Variants in C1orf167 observed in about 807,000 individuals in gnomAD.
C1orf167 encodes chromosome 1 open reading frame 167.
A neutral mutation model predicts 176.5 loss-of-function variants in C1orf167; 153 were observed. The ratio of observed to expected loss-of-function variants is 0.87; its 90% CI spans 0.76 to 0.99. The LOEUF (loss-of-function observed/expected upper bound fraction) is 0.99, where lower values mean the gene tolerates loss of function less well. Among genes scored for constraint, C1orf167 ranks in the 50% least tolerant of loss-of-function variants. The pLI is 0.00. For synonymous variants in C1orf167, 594 were observed against 752.7 expected, an observed-to-expected ratio of 0.79 and a Z score of 3.45; for missense variants, 1,490 against 1,817.7, an observed-to-expected ratio of 0.82 and a Z score of 3.28.
Position 11,784,210 on chromosome 1 carries a change from G to T in C1orf167, c.3042G>T (p.Thr1014=). 7.9e-7 allele frequency: 1 copy of T among 1,269,520 alleles called. No homozygotes were observed. The highest frequency in any genetic ancestry group is 1.0e-6 in the Non-Finnish European group (1 of 970,532). 78.6% of individuals were successfully genotyped at this position (1,269,520 alleles called of 1,614,324 possible). The part of the protein sequence containing the change: ...FQAWCEVVRD[T]GVLRAQHQAF... ...CCTGGTGTGAGGTTGTAAGAGACAC[G>T]GGGGTGCTCCGGGCCCAGCATCAAG... The change falls in exon 15 of 21, where the codon ACG becomes ACT. Residue 1014 remains threonine, a synonymous_variant. Coordinates refer to ENST00000688073, the MANE Select transcript of C1orf167 (RefSeq NM_001010881.2).
At chr1:11,779,643 C>A in intron 12 of C1orf167, 159 bp from the exon 13 acceptor site, 1 of 453,388 alleles carries the variant, frequency 2.2e-6, no homozygotes, top group Non-Finnish European at 3.8e-6. Flanking sequence ...GGTGCTTGGC[C>A]CCTCCAGTCC....
In C1orf167 at chr1:11,767,082, G is replaced by A. The variant is rs1389895215; in HGVS notation, c.1296G>A (p.Ser432=). The A allele has an allele frequency of 7.2e-6, 9 of 1,243,802 alleles. No homozygotes were observed. Among genetic ancestry groups the A allele is most frequent in the Middle Eastern group, 2.3e-4 (1 of 4,422 alleles). The allele number at this position is 1,243,802 out of a possible 1,614,324, so 77.0% of individuals were successfully genotyped here. The change falls in exon 3 of 21, where the codon TCG becomes TCA. Residue 432 remains serine (S), a synonymous_variant. Coordinates refer to ENST00000688073, the MANE Select transcript of C1orf167 (RefSeq NM_001010881.2). ...LSDTVPASSA[S]KNKAQNITAP... ...ACACAGTCCCAGCGAGCAGTGCGTC[G>A]AAGGTAGAGGCCCGGGGAGGCTGGA...
In C1orf167 at chr1:11,766,351, C is replaced by G. The variant is rs1451287881; in HGVS notation, c.565C>G (p.Pro189Ala). Residue 189 changes from proline (P) to alanine (A), a missense_variant, in exon 3 of 21, where the codon CCT (proline) becomes GCT (alanine). Physicochemically the swap from Pro to Ala is conservative, Grantham distance 27 (BLOSUM62 -1). Transcript: ENST00000688073. This position sits in a 1 kb window ranked among gnomAD's most constrained non-coding sequence, Gnocchi z 4.5. The part of the protein sequence containing the change: ...GDFRPTEAFA[P>A]LDGHTQPGLR... ...CTTCAGGCCCACTGAAGCCTTTGCC[C>G]CTCTCGATGGGCATACACAGCCAGG... 1 of 1,275,442 alleles carries G rather than the reference C, an allele frequency of 7.8e-7. No homozygotes were observed. The highest frequency in any genetic ancestry group is 1.0e-6 in the Non-Finnish European group (1 of 982,480). 79.0% of individuals were successfully genotyped at this position (1,275,442 alleles called of 1,614,324 possible). A position where few individuals can be genotyped will look rare whatever the true frequency, so the allele number is the denominator to read the frequency against.
intron 14 of C1orf167, among the ~76,000 whole-genome samples, chr1:11,783,072 A>G (rs953111575): frequency 1.3e-5 from 2 of 152,146 alleles, no homozygotes; most frequent in Non-Finnish European, 2.9e-5. Flanking sequence ...CTGGTGGAAC[A>G]TGTATACAGT....
intron 8 of C1orf167, among the ~76,000 whole-genome samples, chr1:11,774,698 A>G (rs1643229750): frequency 6.6e-6 from 1 of 152,134 alleles, no homozygotes; most frequent in African/African-American, 2.4e-5. Flanking sequence ...GATTGGAAAA[A>G]TCTGTGGGGA....
At chr1:11,771,045 G>GTATATATATATA (rs1557726743) in intron 6 of C1orf167, among the ~76,000 whole-genome samples, 4 of 68,642 alleles carry the variant, frequency 5.8e-5, no homozygotes, top group Admixed American at 1.8e-4. Flanking sequence ...GTGTGTGTGT[G>GTATATATATATA]TGTGTATATA....
intron 8 of C1orf167, among the ~76,000 whole-genome samples, chr1:11,773,969 T>A (rs1170436835): frequency 6.7e-6 from 1 of 149,176 alleles, no homozygotes; most frequent in East Asian, 2.1e-4. Context: ...AGTGGTGCAA[T>A]CATGTCTCAC....
intron 1 of C1orf167, among the ~76,000 whole-genome samples, chr1:11,762,961 G>GGGCA (rs893211220): frequency 2.6e-5 from 4 of 152,214 alleles, no homozygotes; most frequent in African/African-American, 9.6e-5. Flanking sequence ...GAGAGACAGT[G>GGGCA]GGCAGGGAGG....
At chr1:11,775,402 A>G (rs1375218575) in intron 8 of C1orf167, 33 bp from the exon 9 acceptor site, 5 of 1,261,814 alleles carry the variant, frequency 4.0e-6, no homozygotes, top group Admixed American at 2.6e-5. Context: ...AGATCTTGCA[A>G]TTGACATGGG....
intron 6 of C1orf167, among the ~76,000 whole-genome samples, chr1:11,771,047 G>GTATATATA (rs1557726771): frequency 1.5e-4 from 5 of 33,588 alleles, no homozygotes; most frequent in African/African-American, 4.5e-4. Context: ...GTGTGTGTGT[G>GTATATATA]TGTATATATA....
rs1643805634 is a variant in C1orf167, at chr1:11,785,297, C to G, written c.3567+8C>G. The G allele has an allele frequency of 1.6e-6, 2 of 1,282,232 alleles. No homozygotes were observed. The highest frequency in any genetic ancestry group is 2.0e-6 in the Non-Finnish European group (2 of 982,544). The allele number at this position is 1,282,232 out of a possible 1,614,324, so 79.4% of individuals were successfully genotyped here. A position where few individuals can be genotyped will look rare whatever the true frequency, so the allele number is the denominator to read the frequency against. On this transcript the variant is annotated splice_region_variant and intron_variant, in intron 16 of 20. Transcript: ENST00000688073. The stretch of plus-strand genomic sequence containing the variant: ...CTGCCAGGGGCCGGCAAGGTACGCC[C>G]CAAGCCCCAGACTGACCTCACGCTC...
intron 6 of C1orf167, among the ~76,000 whole-genome samples, 164 bp from the exon 7 acceptor site, chr1:11,771,360 T>G (rs1643068472): frequency 1.3e-5 from 2 of 152,010 alleles, no homozygotes; most frequent in Non-Finnish European, 2.9e-5. Context: ...CAGCAATAGC[T>G]TTTAAATCCG....
chr1:11,771,539 G>A lies in C1orf167; in HGVS notation c.1713G>A (p.Arg571=), dbSNP rs757533422. 2.9e-5 allele frequency: 37 copies of A among 1,289,460 alleles called. No individual in the cohort carries two copies. Among genetic ancestry groups the A allele is most frequent in the Non-Finnish European group, 3.6e-5 (36 of 988,726 alleles). The allele number at this position is 1,289,460 out of a possible 1,614,324, so 79.9% of individuals were successfully genotyped here. ...RLEHTSPGSL[R]EEEIAQRLLS... ...TTGCTTTTAGTCCAGGAAGTCTGAG[G>A]GAGGAGGAGATTGCTCAGCGGCTTC... The change falls in exon 7 of 21, where the codon AGG becomes AGA. Residue 571 remains arginine (R), a synonymous_variant. Coordinates refer to ENST00000688073, the MANE Select transcript of C1orf167 (RefSeq NM_001010881.2).
In C1orf167 at chr1:11,784,215, T is replaced by A. The variant is rs1467359827; in HGVS notation, c.3047T>A (p.Val1016Glu). 7.9e-6 allele frequency: 10 copies of A among 1,271,716 alleles called. No homozygotes were observed. The Admixed American group carries it at 1.8e-4, about 22-fold the overall frequency. The allele number at this position is 1,271,716 out of a possible 1,614,324, so 78.8% of individuals were successfully genotyped here. ...TGTGAGGTTGTAAGAGACACGGGGG[T>A]GCTCCGGGCCCAGCATCAAGCCTTT... Reference protein sequence around the residue: ...AWCEVVRDTGVLRAQHQAFQD... With the variant: ...AWCEVVRDTGELRAQHQAFQD... Residue 1016 changes from valine (V) to glutamate (E), a missense_variant, in exon 15 of 21, where the codon GTG becomes GAG. Transcript: ENST00000688073.
Position 11,776,409 on chromosome 1 carries a change from G to A in C1orf167, c.2165-55G>A, listed in dbSNP as rs371871109. 35 of 1,268,834 alleles carry A rather than the reference G, an allele frequency of 2.8e-5. 5 individuals carry two copies. Among genetic ancestry groups the A allele is most frequent in the Admixed American group, 2.0e-4 (8 of 39,122 alleles). 78.6% of individuals were successfully genotyped at this position (1,268,834 alleles called of 1,614,324 possible). On this transcript the variant is annotated intron_variant, in intron 9 of 20. Coordinates refer to ENST00000688073, the MANE Select transcript of C1orf167 (RefSeq NM_001010881.2). ...TGAGGCAGCAGCTATCAATGGCTGT[G>A]GGCAGAGTGAGGTCAGTGGGGAGGC... is the stretch of plus-strand genomic sequence containing the variant.
intron 17 of C1orf167, 34 bp from the exon 18 acceptor site, chr1:11,787,839 C>T: frequency 8.3e-7 from 1 of 1,200,776 alleles, no homozygotes; most frequent in Non-Finnish European, 1.1e-6. Context: ...CCTGGACCCA[C>T]CTTAACCTCT....
At position 11,775,596 on chromosome 1, in the gene C1orf167, G is replaced by T; in HGVS notation, c.2150G>T (p.Cys717Phe). 1 of 1,302,972 alleles carries T rather than the reference G, an allele frequency of 7.7e-7. No homozygotes were observed. Among genetic ancestry groups the T allele is most frequent in the Non-Finnish European group, 1.0e-6 (1 of 988,396 alleles). 80.7% of individuals were successfully genotyped at this position (1,302,972 alleles called of 1,614,324 possible). A position where few individuals can be genotyped will look rare whatever the true frequency, so the allele number is the denominator to read the frequency against. Residue 717 changes from cysteine to phenylalanine, a missense_variant, in exon 9 of 21, where the codon TGC (cysteine) becomes TTC (phenylalanine). Transcript: ENST00000688073. The stretch of plus-strand genomic sequence containing the variant: ...GCAAAGGTGACCCAGCTGTCCCTCT[G>T]CCGGCAGAAAGCAGGTGAGCTAGTG... ...DGAKVTQLSL[C>F]RQKAGREAVY...
Position 11,779,997 on chromosome 1 carries a change from C to T in C1orf167, c.2847C>T (p.His949=), listed in dbSNP as rs1374150684. 3.9e-6 allele frequency: 5 copies of T among 1,282,314 alleles called. No individual in the cohort carries two copies. Among genetic ancestry groups the T allele is most frequent in the South Asian group, 1.3e-5 (1 of 79,220 alleles). 79.4% of individuals were successfully genotyped at this position (1,282,314 alleles called of 1,614,324 possible). A position where few individuals can be genotyped will look rare whatever the true frequency, so the allele number is the denominator to read the frequency against. The part of the protein sequence containing the change: ...RLARDALCHW[H]SCWQGQQFLH... The stretch of plus-strand genomic sequence containing the variant: ...CACGAGATGCCCTATGCCACTGGCA[C>T]TCCTGTTGGCAGGGTGAGTGGAGAC... Residue 949 remains histidine (H), a synonymous_variant, in exon 13 of 21, where the codon CAC becomes CAT. Coordinates refer to ENST00000688073, the MANE Select transcript of C1orf167 (RefSeq NM_001010881.2).
intron 8 of C1orf167, among the ~76,000 whole-genome samples, chr1:11,772,894 C>CATTATTATTATT (rs1553179315): frequency 6.5e-4 from 43 of 66,260 alleles, no homozygotes; most frequent in Admixed American, 2.7e-3. Context: ...TATTATGGGG[C>CATTATTATTATT]ATTATTATTA....
Sources: allele counts gnomAD v4.1 joint callset (sites outside exome capture counted in the v4.1 genomes callset), GRCh38; gene constraint gnomAD v4.1.1; non-coding constraint Gnocchi (gnomAD v3.1); transcripts MANE v1.5; gene names NCBI Gene and HGNC (gene_info 2026-07-23, HGNC 2026-07-21).